The following NRG4 variants were observed in gnomAD, a reference collection of about 807,000 sequenced individuals.
NRG4 encodes the protein pro-neuregulin-4, membrane-bound isoform.
Under a neutral mutation model 15.0 loss-of-function variants are expected in NRG4, and 10 were observed. The ratio of observed to expected loss-of-function variants is 0.67; its 90% CI spans 0.41 to 1.13. The LOEUF (loss-of-function observed/expected upper bound fraction) is 1.13. Among genes scored for constraint, NRG4 ranks in the 50% most tolerant of loss-of-function variants. The probability of loss-of-function intolerance (pLI) is 0.00; values close to 1 mark genes in which losing one functional copy is unlikely to be tolerated. For synonymous variants in NRG4, 41 were observed against 50.1 expected, an observed-to-expected ratio of 0.82 and a Z score of 0.77; for missense variants, 139 against 140.2, an observed-to-expected ratio of 0.99 and a Z score of 0.04.
At chr15:76,023,049 GCTATT>G (rs962813627) in intron 5 of NRG4, among the ~76,000 whole-genome samples, 1 of 151,424 alleles carries the variant, frequency 6.6e-6, no homozygotes, top group African/African-American at 2.4e-5. Context: ...TAAAGGAATA[GCTATT>G]AGGGAAATGC....
chr15:76,027,603 G>A (rs984703909), intron 5 of NRG4, among the ~76,000 whole-genome samples: 15 of 151,822 alleles, frequency 9.9e-5, no homozygotes, highest in Admixed American at 7.2e-4. Context: ...TAATAGTTGG[G>A]GACATCAACA....
chr15:75,982,187 A>G (rs2033632334), intron 3 of NRG4, among the ~76,000 whole-genome samples: 3 of 152,212 alleles, frequency 2.0e-5, no homozygotes, highest in African/African-American at 4.8e-5. Context: ...AAAACCTAAC[A>G]AAGATTGTAC....
intron 4 of NRG4, among the ~76,000 whole-genome samples, chr15:76,044,383 T>C (rs1596058356): frequency 1.3e-5 from 2 of 150,704 alleles, no homozygotes; most frequent in East Asian, 3.9e-4. Flanking sequence ...CTGGGAAAAC[T>C]GGATATCCAT....
chr15:76,042,718 T>C (rs1484056483), intron 4 of NRG4, among the ~76,000 whole-genome samples: 2 of 152,158 alleles, frequency 1.3e-5, no homozygotes, highest in Non-Finnish European at 2.9e-5. Flanking sequence ...TGCTGAATTT[T>C]ATCAAACATT....
rs183105757 is a variant in NRG4, at chr15:76,003,463, C to G, written c.104+5737G>C. Among the ~76,000 whole-genome samples, 182 of 151,806 alleles carry G rather than the reference C, an allele frequency of 1.2e-3. 1 individual carries two copies. Among genetic ancestry groups the G allele is most frequent in the African/African-American group, 4.1e-3 (170 of 41,404 alleles). On this transcript the variant is annotated intron_variant, in intron 3 of 5. Coordinates refer to ENST00000394907, the MANE Select transcript of NRG4 (RefSeq NM_138573.4). ...TCCCATGGGACACCATCAAATGGAC[C>G]AACATACCTATTGTGAGAGTTCCAA...
chr15:75,967,684 A>C (rs778509255), intron 3 of NRG4, among the ~76,000 whole-genome samples: 1 of 151,974 alleles, frequency 6.6e-6, no homozygotes, highest in Non-Finnish European at 1.5e-5. Context: ...TGGGTCTCGA[A>C]CTCCTGACCT....
chr15:75,984,559 T>G (rs2033722716), intron 3 of NRG4, among the ~76,000 whole-genome samples: 1 of 152,120 alleles, frequency 6.6e-6, no homozygotes. Context: ...ACACCGCATG[T>G]TCTCACTCAT....
At position 76,051,861 on chromosome 15, in the gene NRG4, G is replaced by A. The variant is rs150804205; in HGVS notation, c.-105+206C>T. Among the ~76,000 whole-genome samples, 9 of 150,914 alleles carry A rather than the reference G, an allele frequency of 6.0e-5. 1 individual carries two copies. The highest frequency in any genetic ancestry group is 1.5e-4 in the African/African-American group (6 of 40,522). On this transcript the variant is annotated intron_variant, in intron 4 of 8. Transcript: ENST00000563910. ...GCTAGGATTACAGGCGTGAGCCACCGTGCCCAGCCTAATTGAACATACTTC... is the reference window on the plus strand; with the variant it reads ...GCTAGGATTACAGGCGTGAGCCACCATGCCCAGCCTAATTGAACATACTTC...
chr15:76,056,246 G>A (rs760362590), intron 2 of NRG4, among the ~76,000 whole-genome samples: 2 of 151,948 alleles, frequency 1.3e-5, no homozygotes, highest in South Asian at 2.1e-4. Context: ...TCAGGAGTTC[G>A]AGACCAGCCT....
chr15:76,055,473 T>C (rs996797758), intron 2 of NRG4, among the ~76,000 whole-genome samples: 4 of 152,178 alleles, frequency 2.6e-5, no homozygotes, highest in African/African-American at 9.7e-5. Context: ...GAATCTACTG[T>C]TTAAATGCAG....
chr15:75,949,089 A>G (rs1309155748), intron 5 of NRG4, among the ~76,000 whole-genome samples: 1 of 152,136 alleles, frequency 6.6e-6, no homozygotes, highest in Non-Finnish European at 1.5e-5. Context: ...GAATTTTAAA[A>G]TTTACAGAAT....
At chr15:75,988,299 C>A (rs2033874918) in intron 3 of NRG4, among the ~76,000 whole-genome samples, 1 of 152,180 alleles carries the variant, frequency 6.6e-6, no homozygotes, top group South Asian at 2.1e-4. Flanking sequence ...GATTCTCCTG[C>A]CTCAGCCTCC....
chr15:76,009,439 T>A, intron 2 of NRG4, 146 bp from the exon 3 acceptor site: 1 of 542,358 alleles, frequency 1.8e-6, no homozygotes, highest in Non-Finnish European at 3.2e-6. Flanking sequence ...AAGATTTAAT[T>A]CTATTCCTTA....
intron 3 of NRG4, among the ~76,000 whole-genome samples, chr15:75,962,528 T>C (rs2032575813): frequency 6.6e-6 from 1 of 152,216 alleles, no homozygotes; most frequent in Non-Finnish European, 1.5e-5. Flanking sequence ...ATACTGTTAC[T>C]TTATAATATA....
chr15:76,035,545 T>C (rs2035579048), intron 5 of NRG4, among the ~76,000 whole-genome samples: 1 of 151,976 alleles, frequency 6.6e-6, no homozygotes, highest in Non-Finnish European at 1.5e-5. Context: ...CTCTATTTGG[T>C]GAAATTTCAG....
At chr15:76,005,875 A>C (rs748176579) in intron 3 of NRG4, 4 of 362,630 alleles carry the variant, frequency 1.1e-5, no homozygotes, top group Non-Finnish European at 2.2e-5. Flanking sequence ...TAACGTAAAT[A>C]GTGAATGGCT....
intron 3 of NRG4, among the ~76,000 whole-genome samples, chr15:75,992,838 A>G (rs143230322): frequency 6.6e-6 from 1 of 152,268 alleles, no homozygotes. Flanking sequence ...GTAGTAATAT[A>G]TAACAGTACT....
chr15:76,052,213 A>G (rs940532522), intron 3 of NRG4: 2 of 151,206 alleles, frequency 1.3e-5, no homozygotes, highest in East Asian at 3.8e-4. Context: ...ATATTTATAT[A>G]ACAATTTTAG....
intron 3 of NRG4, among the ~76,000 whole-genome samples, chr15:75,973,000 T>C (rs543042734): frequency 6.6e-6 from 1 of 152,338 alleles, no homozygotes; most frequent in East Asian, 1.9e-4. Context: ...TTCCTATCCA[T>C]GAGCATGGAA....
Sources: gnomAD v4.1 joint callset for allele counts (sites outside exome capture counted in the v4.1 genomes callset) on GRCh38, gnomAD v4.1.1 for gene constraint, MANE v1.5 for transcripts, NCBI Gene and HGNC (gene_info 2026-07-23, HGNC 2026-07-21) for gene names.